Variants in IGF2R observed in about 807,000 individuals in gnomAD.
IGF2R encodes insulin like growth factor 2 receptor.
A neutral mutation model predicts 270.6 loss-of-function variants in IGF2R; 91 were observed. The ratio of observed to expected loss-of-function variants is 0.34; its 90% CI spans 0.28 to 0.40. The LOEUF is 0.40. Among genes scored for constraint, IGF2R ranks in the 10% least tolerant of loss-of-function variants. The pLI, the probability that IGF2R is intolerant of heterozygous loss-of-function variation, is 1.00. For missense variants in IGF2R, 2,805 were observed against 3,188.3 expected (o/e 0.88, Z 2.90); for synonymous variants, 1,316 against 1,258.9 (o/e 1.05, Z -0.96).
At chr6:159,977,179 T>C (rs1004756196) in intron 1 of IGF2R, among the ~76,000 whole-genome samples, 7 of 152,384 alleles carry the variant, frequency 4.6e-5, no homozygotes, top group East Asian at 1.9e-4. Context: ...AGATCTCTCT[T>C]AAAGTTCTGC....
intron 1 of IGF2R, among the ~76,000 whole-genome samples, chr6:159,988,674 A>C (rs1783929562): frequency 6.6e-6 from 1 of 152,108 alleles, no homozygotes; most frequent in Non-Finnish European, 1.5e-5. Flanking sequence ...CACTGCCGCT[A>C]CTTGAAGTTT....
At chr6:159,988,039 A>G (rs1226168832) in intron 1 of IGF2R, among the ~76,000 whole-genome samples, 1 of 152,244 alleles carries the variant, frequency 6.6e-6, no homozygotes, top group Admixed American at 6.5e-5. Flanking sequence ...ATGAAATCCA[A>G]GTAGAGAAAA....
chr6:160,058,967 G>A lies in IGF2R; in HGVS notation c.2960G>A (p.Cys987Tyr). Residue 987 changes from cysteine (C) to tyrosine (Y), a missense_variant, in exon 22 of 48, where the codon TGT becomes TAT. By Grantham distance (194) the Cys-to-Tyr change is radical (BLOSUM62 -2). Coordinates refer to ENST00000356956, the MANE Select transcript of IGF2R (RefSeq NM_000876.4). The part of the protein sequence containing the change: ...GTILGKPASG[C>Y]EAETQTEELK... ...ATCCTGGGAAAACCTGCTTCTGGCTGTGAGGCAGAAACCCAAACTGAAGAG... is the reference window on the plus strand; with the variant it reads ...ATCCTGGGAAAACCTGCTTCTGGCTATGAGGCAGAAACCCAAACTGAAGAG... The A allele has an allele frequency of 6.2e-7, 1 of 1,614,210 alleles. No homozygotes were observed. The highest frequency in any genetic ancestry group is 8.5e-7 in the Non-Finnish European group (1 of 1,180,028).
At chr6:160,035,468 C>T (rs1012555952) in intron 10 of IGF2R, among the ~76,000 whole-genome samples, 3 of 152,128 alleles carry the variant, frequency 2.0e-5, no homozygotes, top group East Asian at 1.9e-4. Context: ...CTGGTAGCAC[C>T]GCACCCCTGC....
chr6:160,067,126 G>A (rs184273957), intron 29 of IGF2R, among the ~76,000 whole-genome samples: 4 of 152,262 alleles, frequency 2.6e-5, no homozygotes, highest in East Asian at 1.9e-4. Flanking sequence ...CATGACCCCC[G>A]TGTTGTCTCT....
intron 7 of IGF2R, among the ~76,000 whole-genome samples, chr6:160,030,520 A>G (rs757364011): frequency 2.6e-5 from 4 of 152,220 alleles, no homozygotes; most frequent in African/African-American, 9.7e-5. Flanking sequence ...TGTCAGCTGA[A>G]TGAAGGCCGG....
intron 9 of IGF2R, among the ~76,000 whole-genome samples, chr6:160,033,520 C>A (rs408889): frequency 0.28 from 42,429 of 152,206 alleles, 6,454 homozygotes; most frequent in Non-Finnish European, 0.35. Context: ...CCGTAAGGTA[C>A]GGGAGAATCA....
intron 4 of IGF2R, among the ~76,000 whole-genome samples, chr6:160,015,869 C>T (rs556112915): frequency 3.2e-4 from 48 of 152,282 alleles, no homozygotes; most frequent in Middle Eastern, 3.4e-3. Context: ...CTGGTTGTTT[C>T]AAAGTTTCTG....
chr6:160,029,720 G>C (rs1777652996), intron 7 of IGF2R, 65 bp downstream of exon 7: 1 of 1,161,966 alleles, frequency 8.6e-7, no homozygotes, highest in Non-Finnish European at 1.3e-6. Flanking sequence ...ATGCGAACGC[G>C]TTTCTGGGCT....
Position 160,014,305 on chromosome 6 carries a change from G to T in IGF2R, c.513+3520G>T, listed in dbSNP as rs576749052. Among the ~76,000 whole-genome samples, 6 of 152,296 alleles carry T rather than the reference G, an allele frequency of 3.9e-5. No homozygotes were observed. In the South Asian group the frequency reaches 1.2e-3, roughly 32 times the overall value. On this transcript the variant is annotated intron_variant, in intron 4 of 47. Coordinates refer to ENST00000356956, the MANE Select transcript of IGF2R (RefSeq NM_000876.4). ...CTCAATGCGTGGTGTGTTGCAGCTG[G>T]CAAACAACCTCGCTCCCCAGGCTGC...
intron 19 of IGF2R, among the ~76,000 whole-genome samples, chr6:160,052,972 A>G (rs1005195081): frequency 2.0e-5 from 3 of 152,250 alleles, no homozygotes; most frequent in Non-Finnish European, 2.9e-5. Context: ...CTAAAACCAT[A>G]AAAACCCTAG....
chr6:160,023,457 C>A (rs1181092693), intron 4 of IGF2R, among the ~76,000 whole-genome samples: 2 of 151,966 alleles, frequency 1.3e-5, no homozygotes, highest in African/African-American at 4.8e-5. Flanking sequence ...TTTGTGTATC[C>A]AAGTGATGAT....
rs1333746922 is a variant in IGF2R at position 160,084,806 on chromosome 6, C to T, written c.6069-189C>T. ...GTGTGTCTGGTTGGTGAGCTCCCTT[C>T]TTCAGTGAAGACTTCTTTTGCCCTT... On this transcript the variant is annotated intron_variant, in intron 40 of 47. Coordinates refer to ENST00000356956, the MANE Select transcript of IGF2R (RefSeq NM_000876.4). This position sits in a 1 kb window ranked among gnomAD's most constrained non-coding sequence, Gnocchi z 4.6. Among the ~76,000 whole-genome samples the T allele has an allele frequency of 6.6e-6, 1 of 151,994 alleles. No individual in the cohort carries two copies. Among genetic ancestry groups the T allele is most frequent in the African/African-American group, 2.4e-5 (1 of 41,386 alleles).
In IGF2R at chr6:160,027,946, G is replaced by A. The variant is rs139876795; in HGVS notation, c.776+632G>A. Among the ~76,000 whole-genome samples the A allele has an allele frequency of 5.3e-5, 8 of 152,210 alleles. No homozygotes were observed. The East Asian group carries it at 1.5e-3, about 29-fold the overall frequency. On this transcript the variant is annotated intron_variant, in intron 6 of 47. Coordinates refer to ENST00000356956, the MANE Select transcript of IGF2R (RefSeq NM_000876.4). ...TGCTTGCTCTAGTCTGGAGCTCGTG[G>A]CATGTCTGGGTGGTTGTAGGGAGCA...
At chr6:160,069,781 G>A (rs989192228) in intron 30 of IGF2R, 87 bp from the exon 31 acceptor site, 3 of 1,193,456 alleles carry the variant, frequency 2.5e-6, no homozygotes, top group African/African-American at 3.0e-5. Context: ...AAGTTCTGCA[G>A]CGTGTGTGAC....
At position 160,091,383 on chromosome 6, in the gene IGF2R, C is replaced by T. The variant is rs555679486; in HGVS notation, c.6655+1280C>T. 2.6e-3 allele frequency among the ~76,000 whole-genome samples: 372 copies of T among 144,400 alleles called. 1 individual carries two copies. The highest frequency in any genetic ancestry group is 9.3e-3 in the African/African-American group (363 of 39,142). The allele number at this position is 144,400 out of a possible 152,430, so 94.7% of individuals were successfully genotyped here. A position where few individuals can be genotyped will look rare whatever the true frequency, so the allele number is the denominator to read the frequency against. ...TGTGCCCTGGTGCTGAGCGCATCGC[C>T]GAGAAGGAGCAGGTGCTCCGTGCCC... On this transcript the variant is annotated intron_variant, in intron 44 of 47. Coordinates refer to ENST00000356956, the MANE Select transcript of IGF2R (RefSeq NM_000876.4).
intron 42 of IGF2R, 45 bp from the exon 43 acceptor site, chr6:160,089,062 G>A (rs1217360350): frequency 6.3e-7 from 1 of 1,591,452 alleles, no homozygotes; most frequent in Non-Finnish European, 8.6e-7. Context: ...CTTCCCTTAT[G>A]TCTGGCTGGG....
At chr6:160,086,464 G>T (rs550787938) in intron 41 of IGF2R, among the ~76,000 whole-genome samples, 3 of 152,286 alleles carry the variant, frequency 2.0e-5, no homozygotes, top group African/African-American at 7.2e-5. Flanking sequence ...CATGTCTCAA[G>T]CAGCTGTGCT....
chr6:160,103,682 G>A, intron 46 of IGF2R, 64 bp from the exon 47 acceptor site: 1 of 1,160,442 alleles, frequency 8.6e-7, no homozygotes, highest in African/African-American at 1.5e-5. Context: ...GGGCTGGCGG[G>A]GGTGGGGCTC....
Sources: allele counts gnomAD v4.1 joint callset (sites outside exome capture counted in the v4.1 genomes callset), GRCh38; gene constraint gnomAD v4.1.1; non-coding constraint Gnocchi (gnomAD v3.1); transcripts MANE v1.5; gene names NCBI Gene and HGNC (gene_info 2026-07-23, HGNC 2026-07-21).